DNAJC3: variants seen among roughly 807,000 people sequenced by gnomAD.
DNAJC3 encodes the protein dnaJ homolog subfamily C member 3.
A neutral mutation model predicts 68.6 loss-of-function variants in DNAJC3; 38 were observed. The observed-to-expected ratio is 0.55, with a 90% confidence interval of 0.43 to 0.73. The LOEUF (loss-of-function observed/expected upper bound fraction) is 0.73, where lower values mean the gene tolerates loss of function less well. Ranked by LOEUF, DNAJC3 falls within the 30% of genes least tolerant of loss-of-function variation. The pLI, the probability that DNAJC3 is intolerant of heterozygous loss-of-function variation, is 0.00. For synonymous variants in DNAJC3, 203 were observed against 204.0 expected, an observed-to-expected ratio of 1.00 and a Z score of 0.04; for missense variants, 526 against 591.9, an observed-to-expected ratio of 0.89 and a Z score of 1.16.
intron 2 of DNAJC3, among the ~76,000 whole-genome samples, chr13:95,717,352 T>G (rs763978532): frequency 8.5e-5 from 13 of 152,310 alleles, no homozygotes; most frequent in East Asian, 3.9e-4. Context: ...ACTTCTGAAA[T>G]GAGGACAAAC....
chr13:95,736,210 C>T (rs1457637773), intron 4 of DNAJC3, among the ~76,000 whole-genome samples: 1 of 152,106 alleles, frequency 6.6e-6, no homozygotes, highest in African/African-American at 2.4e-5. Context: ...TACCATGCTG[C>T]TTTGGTTACT....
chr13:95,744,162 A>G (rs1882233913), intron 4 of DNAJC3, among the ~76,000 whole-genome samples: 1 of 152,212 alleles, frequency 6.6e-6, no homozygotes. Flanking sequence ...TTAATTTAAT[A>G]TACAGATACT....
intron 4 of DNAJC3, among the ~76,000 whole-genome samples, chr13:95,725,529 T>G (rs1881479246): frequency 6.6e-6 from 1 of 152,222 alleles, no homozygotes; most frequent in African/African-American, 2.4e-5. Context: ...TTGTTCTGCT[T>G]TGTCCACCAT....
At position 95,704,851 on chromosome 13, in the gene DNAJC3, G is replaced by GTGTTTTTTTTTTTTT. The variant is rs1555323371; in HGVS notation, c.83-4375_83-4374insGTTTTTTTTTTTTTT. Among the ~76,000 whole-genome samples, 4 of 97,852 alleles carry GTGTTTTTTTTTTTTT rather than the reference G, an allele frequency of 4.1e-5. 1 individual carries two copies. Among genetic ancestry groups the GTGTTTTTTTTTTTTT allele is most frequent in the African/African-American group, 1.8e-4 (3 of 16,750 alleles). The allele number at this position is 97,852 out of a possible 152,430, so 64.2% of individuals were successfully genotyped here. A position where few individuals can be genotyped will look rare whatever the true frequency, so the allele number is the denominator to read the frequency against. On this transcript the variant is annotated intron_variant, in intron 1 of 11. Coordinates refer to ENST00000602402, the MANE Select transcript of DNAJC3 (RefSeq NM_006260.5). ...AGAAAGGACTAATCTGTGTGTGTGT[G>GTGTTTTTTTTTTTTT]TTTTTTTTTTTTTTTTTTGAGACAG... is the stretch of plus-strand genomic sequence containing the variant.
At chr13:95,742,885 A>G in intron 4 of DNAJC3, 1 of 504,104 alleles carries the variant, frequency 2.0e-6, no homozygotes, top group Non-Finnish European at 4.0e-6. Context: ...CTTTTCTCAT[A>G]TCTTCTAAAA....
intron 9 of DNAJC3, among the ~76,000 whole-genome samples, chr13:95,779,769 A>G (rs1883397934): frequency 6.6e-6 from 1 of 152,136 alleles, no homozygotes; most frequent in Admixed American, 6.5e-5. Flanking sequence ...TTTGTCTATG[A>G]TGCTTGCCCA....
chr13:95,689,330 G>T (rs901959788), intron 1 of DNAJC3, among the ~76,000 whole-genome samples: 1 of 150,490 alleles, frequency 6.6e-6, no homozygotes, highest in African/African-American at 2.4e-5. Flanking sequence ...AATCTTGGGA[G>T]GTTGTATGTT....
intron 1 of DNAJC3, among the ~76,000 whole-genome samples, chr13:95,699,879 G>T (rs1880540492): frequency 6.6e-6 from 1 of 151,992 alleles, no homozygotes; most frequent in African/African-American, 2.4e-5. Context: ...CTGTTGCCCA[G>T]ACTGGAGTGC....
intron 1 of DNAJC3, among the ~76,000 whole-genome samples, chr13:95,682,335 C>G (rs1879937659): frequency 6.6e-6 from 1 of 152,072 alleles, no homozygotes; most frequent in Non-Finnish European, 1.5e-5. Context: ...AACCATCTCT[C>G]TCTCTGGGAT....
chr13:95,745,381 C>A (rs1348871683), intron 4 of DNAJC3: 1 of 152,182 alleles, frequency 6.6e-6, no homozygotes, highest in Admixed American at 6.5e-5. Context: ...ACACGTCTAT[C>A]GTAAGAACTG....
chr13:95,735,052 T>C (rs1259954574), intron 4 of DNAJC3, among the ~76,000 whole-genome samples: 2 of 150,162 alleles, frequency 1.3e-5, no homozygotes, highest in Admixed American at 1.3e-4. Context: ...TTCCCACCTA[T>C]GAGTGAGAAC....
rs934986268 is a variant in DNAJC3 at position 95,792,650 on chromosome 13, A to C, written c.*1620A>C. 2 of 152,214 alleles carry C rather than the reference A, an allele frequency of 1.3e-5. No homozygotes were observed. The highest frequency in any genetic ancestry group is 2.9e-5 in the Non-Finnish European group (2 of 68,032). 9.4% of individuals were successfully genotyped at this position (152,214 alleles called of 1,614,324 possible). On this transcript the variant is annotated 3_prime_UTR_variant, in exon 12 of 12. Transcript: ENST00000602402. ...ACTTAAGTGCTTTCTGCATCTATTT[A>C]GGAGTCTATTTCTTACCAATAAACT... is the stretch of plus-strand genomic sequence containing the variant.
intron 1 of DNAJC3, 149 bp from the exon 2 acceptor site, chr13:95,709,078 G>A: frequency 2.1e-6 from 1 of 485,786 alleles, no homozygotes; most frequent in Non-Finnish European, 3.4e-6. Context: ...TGTATTTTAT[G>A]TTACGTTCTT....
chr13:95,711,940 T>C (rs571522054), intron 2 of DNAJC3, among the ~76,000 whole-genome samples: 1 of 152,286 alleles, frequency 6.6e-6, no homozygotes, highest in Non-Finnish European at 1.5e-5. Context: ...TGAACATAAC[T>C]ACAAAAATTC....
At chr13:95,690,618 AC>A (rs1187016961) in intron 1 of DNAJC3, among the ~76,000 whole-genome samples, 11 of 124,158 alleles carry the variant, frequency 8.9e-5, no homozygotes, top group African/African-American at 2.9e-4. Flanking sequence ...CGGGGGGCTG[AC>A]CCCCCCACCT....
chr13:95,716,669 C>A (rs111518375), intron 2 of DNAJC3, among the ~76,000 whole-genome samples: 2 of 152,240 alleles, frequency 1.3e-5, no homozygotes, highest in African/African-American at 4.8e-5. Context: ...GGCTGCCCAG[C>A]GGCCAGACTC....
At chr13:95,786,898 A>G in intron 10 of DNAJC3, 109 bp from the exon 11 acceptor site, 23 of 1,334,656 alleles carry the variant, frequency 1.7e-5, no homozygotes, top group Non-Finnish European at 2.1e-5. Flanking sequence ...ACTATTTTAT[A>G]AAACCAGTTT....
intron 4 of DNAJC3, among the ~76,000 whole-genome samples, chr13:95,743,333 T>G (rs986479309): frequency 6.6e-6 from 1 of 152,150 alleles, no homozygotes; most frequent in African/African-American, 2.4e-5. Context: ...AGACAGAAAA[T>G]GTGAGGTACA....
chr13:95,760,330 G>A, intron 6 of DNAJC3, 109 bp downstream of exon 6: 1 of 1,020,436 alleles, frequency 9.8e-7, no homozygotes, highest in Non-Finnish European at 1.3e-6. Flanking sequence ...TGGTAGTTAA[G>A]GCTGTTTTTA....
Sources: allele counts gnomAD v4.1 joint callset (sites outside exome capture counted in the v4.1 genomes callset), GRCh38; gene constraint gnomAD v4.1.1; transcripts MANE v1.5; gene names NCBI Gene and HGNC (gene_info 2026-07-23, HGNC 2026-07-21).